Variants in CCND3 observed in about 807,000 individuals in gnomAD.
The protein encoded by CCND3 is G1/S-specific cyclin-D3.
In CCND3, 9 loss-of-function variants were observed where a neutral mutation model predicts 28.7. The ratio of observed to expected loss-of-function variants is 0.31; its 90% CI spans 0.19 to 0.55. The LOEUF is 0.55. Among genes scored for constraint, CCND3 ranks in the 20% least tolerant of loss-of-function variants. CCND3 has a pLI of 0.93. For missense variants in CCND3, 315 were observed against 385.8 expected (o/e 0.82, Z 1.54); for synonymous variants, 164 against 163.9 (o/e 1.00, Z 0.00).
intron 1 of CCND3, among the ~76,000 whole-genome samples, chr6:41,991,080 C>T (rs530584091): frequency 1.5e-3 from 220 of 149,484 alleles, no homozygotes; most frequent in Non-Finnish European, 5.3e-4. Flanking sequence ...TTTTTTAAGG[C>T]GGAATTTCCC....
At chr6:42,025,923 A>G (rs2127434713) in intron 1 of CCND3, among the ~76,000 whole-genome samples, 1 of 152,298 alleles carries the variant, frequency 6.6e-6, no homozygotes, top group Non-Finnish European at 1.5e-5. Flanking sequence ...TGAGCGGATG[A>G]GTGAATTAAT....
chr6:41,949,865 C>A (rs911298921), intron 1 of CCND3, among the ~76,000 whole-genome samples: 4 of 150,754 alleles, frequency 2.7e-5, no homozygotes, highest in Non-Finnish European at 5.9e-5. Flanking sequence ...GAGGCCGAGG[C>A]GGGCGGATCA....
chr6:41,972,240 A>AGAAG (rs1554162049), intron 1 of CCND3, among the ~76,000 whole-genome samples: 1 of 99,738 alleles, frequency 1.0e-5, no homozygotes, highest in Non-Finnish European at 2.0e-5. Context: ...AAAAAAAAAA[A>AGAAG]AAAAGAAAAG....
In CCND3 at chr6:41,940,765, T is replaced by G. The variant is rs533226625; in HGVS notation, c.199-180A>C. On this transcript the variant is annotated intron_variant, in intron 1 of 4. Coordinates refer to ENST00000372991, the MANE Select transcript of CCND3 (RefSeq NM_001760.5). ...CCCTCCCCAAGGTGACGCCCCCCAC[T>G]TCCTCTGCGCGGCCTCCTCCCCTCT... is the stretch of plus-strand genomic sequence containing the variant. 1.4e-4 allele frequency: 112 copies of G among 774,082 alleles called. 3 individuals are homozygous for G. The South Asian group carries it at 1.6e-3, about 11-fold the overall frequency. 48.0% of individuals were successfully genotyped at this position (774,082 alleles called of 1,614,324 possible).
At chr6:42,039,392 G>A (rs1212256869) in intron 1 of CCND3, among the ~76,000 whole-genome samples, 2 of 152,174 alleles carry the variant, frequency 1.3e-5, no homozygotes, top group South Asian at 2.1e-4. Flanking sequence ...AGGAGTCCTC[G>A]ACCCATGTAG....
chr6:41,970,200 G>C (rs953572326), intron 1 of CCND3, among the ~76,000 whole-genome samples: 1 of 152,000 alleles, frequency 6.6e-6, no homozygotes, highest in African/African-American at 2.4e-5. Flanking sequence ...TTAGCTGGGC[G>C]TGGTGGCACG....
intron 1 of CCND3, among the ~76,000 whole-genome samples, chr6:42,036,401 ATATTTT>A (rs1764217630): frequency 2.9e-5 from 1 of 34,014 alleles, no homozygotes; most frequent in African/African-American, 1.1e-4. Flanking sequence ...ATATATATAT[ATATTTT>A]TTTTTTTTTT....
rs376561124 is a variant in CCND3 at position 41,959,951 on chromosome 6, G to A, written c.-45-19366C>T. Among the ~76,000 whole-genome samples the A allele has an allele frequency of 3.3e-3, 232 of 70,668 alleles. 3 individuals are homozygous for A. Among genetic ancestry groups the A allele is most frequent in the African/African-American group, 0.013 (179 of 13,558 alleles). The allele number at this position is 70,668 out of a possible 152,430, so 46.4% of individuals were successfully genotyped here. A position where few individuals can be genotyped will look rare whatever the true frequency, so the allele number is the denominator to read the frequency against. On this transcript the variant is annotated intron_variant, in intron 1 of 4. Coordinates refer to the CCND3 transcript ENST00000372988. ...AACCTGGGCAACAGAGCGAGACTCCGTCTCAAAAAAAAAAAAAATGGAAAC... is the reference window on the plus strand; with the variant it reads ...AACCTGGGCAACAGAGCGAGACTCCATCTCAAAAAAAAAAAAAATGGAAAC...
At chr6:41,960,778 AT>A (rs576825610) in intron 1 of CCND3, among the ~76,000 whole-genome samples, 114 of 152,334 alleles carry the variant, frequency 7.5e-4, no homozygotes, top group Middle Eastern at 3.4e-3. Context: ...AATTATACCC[AT>A]TCCTTCAAAC....
intron 1 of CCND3, among the ~76,000 whole-genome samples, chr6:42,015,967 C>G (rs1197309070): frequency 6.6e-6 from 1 of 150,786 alleles, no homozygotes. Context: ...GAGATGGAGT[C>G]TCACTCTGTT....
rs762947208 is a variant in CCND3, at chr6:41,974,792, C to CTTTTTTTT, written c.-45-34215_-45-34208dup. Reference sequence around the variant, plus strand: ...GCCTAACTGTCAATTCCCCACAGTTCTTTTTTTTTTTTTTTTTTGAGACGG... The same window carrying CTTTTTTTT: ...GCCTAACTGTCAATTCCCCACAGTTCTTTTTTTTTTTTTTTTTTTTTTTTTTGAGACGG... On this transcript the variant is annotated intron_variant, in intron 1 of 4. Transcript: ENST00000372988. Among the ~76,000 whole-genome samples, 2 of 125,856 alleles carry CTTTTTTTT rather than the reference C, an allele frequency of 1.6e-5. 1 individual carries two copies. The highest frequency in any genetic ancestry group is 3.2e-5 in the Non-Finnish European group (2 of 61,944). 82.6% of individuals were successfully genotyped at this position (125,856 alleles called of 152,430 possible).
chr6:41,960,859 C>A (rs539553642), intron 1 of CCND3, among the ~76,000 whole-genome samples: 99 of 152,236 alleles, frequency 6.5e-4, no homozygotes, highest in African/African-American at 2.3e-3. Context: ...CCACTGCCAC[C>A]CATTCTGTTC....
intron 1 of CCND3, among the ~76,000 whole-genome samples, chr6:42,044,256 C>G (rs1315024285): frequency 1.3e-5 from 2 of 152,270 alleles, no homozygotes; most frequent in African/African-American, 2.4e-5. Flanking sequence ...AAGCAGTTCT[C>G]TGGGCCCCGG....
chr6:42,029,443 C>A (rs546547209), intron 1 of CCND3, among the ~76,000 whole-genome samples: 1 of 152,120 alleles, frequency 6.6e-6, no homozygotes. Context: ...GGACATTAGA[C>A]GGCCTTGGGA....
intron 1 of CCND3, among the ~76,000 whole-genome samples, chr6:41,947,733 A>G (rs1309213818): frequency 2.0e-5 from 3 of 151,968 alleles, no homozygotes; most frequent in Non-Finnish European, 4.4e-5. Flanking sequence ...TCAAAAATAC[A>G]TCTCCAATCC....
intron 1 of CCND3, among the ~76,000 whole-genome samples, chr6:42,035,412 G>A (rs1404872473): frequency 1.3e-5 from 2 of 152,062 alleles, no homozygotes; most frequent in African/African-American, 2.4e-5. Context: ...CTGTCGCCCA[G>A]GCTGGAGTGC....
intron 1 of CCND3, among the ~76,000 whole-genome samples, chr6:42,007,335 T>C (rs1478753198): frequency 2.0e-5 from 3 of 152,272 alleles, no homozygotes; most frequent in East Asian, 1.9e-4. Context: ...AACAGCTTGA[T>C]AGATGGGCGG....
intron 1 of CCND3, among the ~76,000 whole-genome samples, chr6:42,035,291 G>T (rs1764172158): frequency 6.6e-6 from 1 of 152,178 alleles, no homozygotes; most frequent in Non-Finnish European, 1.5e-5. Context: ...AATTTCCATT[G>T]CTTCTACTTT....
At chr6:41,941,980 C>G (rs961425546), upstream of CCND3, 1 of 165,594 alleles carries the variant, frequency 6.0e-6, no homozygotes, top group African/African-American at 2.4e-5. The surrounding 1 kb of genome is among the most constrained non-coding windows in gnomAD (Gnocchi z 6.1). Context: ...TCCGGGCACT[C>G]CAGGCCCTCT....
Sources: gnomAD v4.1 joint callset for allele counts (sites outside exome capture counted in the v4.1 genomes callset) on GRCh38, gnomAD v4.1.1 for gene constraint, Gnocchi (gnomAD v3.1) non-coding constraint, MANE v1.5 for transcripts, NCBI Gene and HGNC (gene_info 2026-07-23, HGNC 2026-07-21) for gene names.